ANKRD12: variants seen among roughly 807,000 people sequenced by gnomAD.
ANKRD12 encodes ankyrin repeat domain-containing protein 12.
In ANKRD12, 85 loss-of-function variants were observed where a neutral mutation model predicts 183.4. That is an observed-to-expected ratio of 0.46 (90% CI 0.39 to 0.56). ANKRD12 has a LOEUF of 0.56. ANKRD12 is among the 20% of genes least tolerant of loss of function. The pLI is 0.00. For missense variants in ANKRD12, 2,405 were observed against 2,357.1 expected, an observed-to-expected ratio of 1.02 and a Z score of -0.42; for synonymous variants, 914 against 800.2, an observed-to-expected ratio of 1.14 and a Z score of -2.40.
At chr18:9,212,388 A>C (rs2035853804) in intron 6 of ANKRD12, among the ~76,000 whole-genome samples, 1 of 151,838 alleles carries the variant, frequency 6.6e-6, no homozygotes, top group Non-Finnish European at 1.5e-5. Context: ...GCAAATACTT[A>C]CTTATATATT....
intron 8 of ANKRD12, among the ~76,000 whole-genome samples, chr18:9,244,413 G>A (rs556462323): frequency 6.6e-6 from 1 of 151,958 alleles, no homozygotes; most frequent in Non-Finnish European, 1.5e-5. Context: ...TTGAACTGAT[G>A]GGCTCAAGAG....
intron 1 of ANKRD12, 46 bp from the exon 2 acceptor site, chr18:9,182,336 T>TTCAGGTAGGTTC: frequency 1.5e-6 from 1 of 670,342 alleles, no homozygotes; most frequent in Non-Finnish European, 2.3e-6. Flanking sequence ...GTGCGTAACC[T>TTCAGGTAGGTTC]ATTGTATATA....
At chr18:9,182,334 C>CTTCAGGTAAGTT in intron 1 of ANKRD12, 48 bp from the exon 2 acceptor site, 1 of 507,656 alleles carries the variant, frequency 2.0e-6, no homozygotes, top group Non-Finnish European at 3.2e-6. Flanking sequence ...TGGTGCGTAA[C>CTTCAGGTAAGTT]CTATTGTATA....
At chr18:9,190,576 T>C (rs2034390281) in intron 2 of ANKRD12, among the ~76,000 whole-genome samples, 1 of 152,144 alleles carries the variant, frequency 6.6e-6, no homozygotes, top group Non-Finnish European at 1.5e-5. Flanking sequence ...AGATCTCTTG[T>C]GAGAGAAAGT....
At chr18:9,246,391 G>C (rs934801917) in intron 8 of ANKRD12, among the ~76,000 whole-genome samples, 3 of 152,066 alleles carry the variant, frequency 2.0e-5, no homozygotes, top group African/African-American at 7.2e-5. Context: ...AAGAAAATAA[G>C]TATCGTGTTT....
At chr18:9,188,504 A>G (rs1042181754) in intron 2 of ANKRD12, among the ~76,000 whole-genome samples, 1 of 152,220 alleles carries the variant, frequency 6.6e-6, no homozygotes, top group African/African-American at 2.4e-5. Context: ...ATGTCCCAAC[A>G]CAGCTGTAAT....
intron 8 of ANKRD12, among the ~76,000 whole-genome samples, chr18:9,237,499 A>G (rs1598648558): frequency 6.6e-6 from 1 of 152,304 alleles, no homozygotes; most frequent in East Asian, 1.9e-4. Context: ...TATAGCCATC[A>G]CTAGGGGATT....
At position 9,149,751 on chromosome 18, in the gene ANKRD12, G is replaced by A. The variant is rs571980250; in HGVS notation, c.-52+12786G>A. ...AAGTAATAATAGACATATAGCTAAA[G>A]CAAACCGACTATTTGTAATGATTTA... On this transcript the variant is annotated intron_variant, in intron 1 of 12. Coordinates refer to ENST00000262126, the MANE Select transcript of ANKRD12 (RefSeq NM_015208.5). Among the ~76,000 whole-genome samples the A allele has an allele frequency of 9.9e-5, 15 of 151,022 alleles. No homozygotes were observed. In the East Asian group the frequency reaches 2.9e-3, roughly 29 times the overall value.
chr18:9,262,069 A>G (rs942806682), intron 9 of ANKRD12, among the ~76,000 whole-genome samples: 7 of 152,184 alleles, frequency 4.6e-5, no homozygotes, highest in African/African-American at 1.7e-4. Context: ...GTCCTGTAGA[A>G]TTTTCCACAT....
In ANKRD12 at chr18:9,263,840, A is replaced by G; in HGVS notation, c.5715A>G (p.Gln1905=). The stretch of plus-strand genomic sequence containing the variant: ...ATCCACTTAAAGAGCTTTTTCGACA[A>G]CAGGAAGTTGTAAGGATGAAACTAC... ...LSDPLKELFR[Q]QEVVRMKLRL... is the part of the protein sequence containing the mutation. Residue 1905 remains glutamine (Q), a synonymous_variant, in exon 10 of 13, where the codon CAA becomes CAG. Coordinates refer to ENST00000262126, the MANE Select transcript of ANKRD12 (RefSeq NM_015208.5). 1.3e-6 allele frequency: 2 copies of G among 1,557,454 alleles called. No individual in the cohort carries two copies. Among genetic ancestry groups the G allele is most frequent in the South Asian group, 1.1e-5 (1 of 86,988 alleles).
intron 3 of ANKRD12, among the ~76,000 whole-genome samples, chr18:9,200,235 A>G (rs1391717594): frequency 5.3e-5 from 8 of 152,246 alleles, no homozygotes; most frequent in African/African-American, 1.9e-4. Context: ...ATGAATTACA[A>G]CATAATTTGA....
At chr18:9,228,788 T>C (rs2036871819) in intron 8 of ANKRD12, among the ~76,000 whole-genome samples, 1 of 152,158 alleles carries the variant, frequency 6.6e-6, no homozygotes, top group Non-Finnish European at 1.5e-5. Context: ...CTTGATTCTT[T>C]TTGCTATGGA....
At chr18:9,165,153 G>A (rs2031895535) in intron 1 of ANKRD12, among the ~76,000 whole-genome samples, 1 of 152,048 alleles carries the variant, frequency 6.6e-6, no homozygotes, top group Non-Finnish European at 1.5e-5. Context: ...ATTACGTGAT[G>A]TCGTTTGTCT....
intron 8 of ANKRD12, among the ~76,000 whole-genome samples, chr18:9,237,733 A>G (rs945405706): frequency 2.0e-5 from 3 of 152,222 alleles, no homozygotes; most frequent in Non-Finnish European, 4.4e-5. Flanking sequence ...TTTTATTAGC[A>G]TGGAGCGAAA....
intron 9 of ANKRD12, among the ~76,000 whole-genome samples, chr18:9,259,202 A>G (rs1421066119): frequency 6.6e-6 from 1 of 152,176 alleles, no homozygotes. Context: ...TTTAAATTAG[A>G]ACTTTATACA....
rs781506441 is a variant in ANKRD12, at chr18:9,258,465, A to C, written c.5198A>C (p.Gln1733Pro). The change falls in exon 9 of 13, where the codon CAA becomes CCA. Residue 1733 changes from glutamine (Q) to proline (P), a missense_variant. Gln to Pro is a moderately conservative substitution (Grantham distance 76). Coordinates refer to ENST00000262126, the MANE Select transcript of ANKRD12 (RefSeq NM_015208.5). The part of the protein sequence containing the change: ...EDDKTENQIP[Q>P]RMTRNKANTM... ...GATAAAACTGAAAACCAAATCCCTC[A>C]AAGAATGACTAGAAACAAAGCAAAT... The C allele has an allele frequency of 7.4e-6, 12 of 1,613,726 alleles. No individual in the cohort carries two copies. The highest frequency in any genetic ancestry group is 9.3e-6 in the Non-Finnish European group (11 of 1,179,948).
rs2038657693 is a variant in ANKRD12, at chr18:9,256,811, T to A, written c.3544T>A (p.Ser1182Thr). The A allele has an allele frequency of 6.2e-7, 1 of 1,614,018 alleles. No individual in the cohort carries two copies. The highest frequency in any genetic ancestry group is 2.2e-5 in the East Asian group (1 of 44,888). ...VMTLGKSSFV[S>T]DNSLNRSPRS... ...GACTTTAGGGAAGTCATCTTTTGTT[T>A]CAGATAATAGCTTAAACAGGTCTCC... The change falls in exon 9 of 13, where the codon TCA becomes ACA. Residue 1182 changes from serine (S) to threonine (T), a missense_variant. Physicochemically the swap from Ser to Thr is moderately conservative, Grantham distance 58. This residue lies in a region of ANKRD12 where 1,983 missense variants were observed against 1,725.9 expected (regional missense o/e 1.15). Transcript: ENST00000262126.
At chr18:9,216,461 CAGT>C (rs1331493093) in intron 6 of ANKRD12, among the ~76,000 whole-genome samples, 1 of 152,166 alleles carries the variant, frequency 6.6e-6, no homozygotes, top group Non-Finnish European at 1.5e-5. Flanking sequence ...TTCCAGTTAA[CAGT>C]AGGCTATTAG....
intron 11 of ANKRD12, 60 bp from the exon 12 acceptor site, chr18:9,279,489 A>G (rs1169810787): frequency 1.0e-6 from 1 of 969,678 alleles, no homozygotes; most frequent in East Asian, 2.5e-5. Context: ...AAATACTATA[A>G]TGGCATATAG....
Sources: allele counts gnomAD v4.1 joint callset (sites outside exome capture counted in the v4.1 genomes callset), GRCh38; gene constraint gnomAD v4.1.1; regional missense constraint gnomAD v4.1.1; transcripts MANE v1.5; gene names NCBI Gene and HGNC (gene_info 2026-07-23, HGNC 2026-07-21).